LEUTX: variants seen among roughly 807,000 people sequenced by gnomAD.
LEUTX encodes paired-like homeodomain transcription factor LEUTX.
LEUTX carries 5 observed loss-of-function variants against 4.5 expected under a neutral mutation model. The observed-to-expected ratio is 1.11, with a 90% CI of 0.58 to 2.34. The LOEUF is 2.34. LEUTX is among the 30% of genes most tolerant of loss of function. The pLI, the probability that LEUTX is intolerant of heterozygous loss-of-function variation, is 0.01. For missense variants in LEUTX, 233 were observed against 239.4 expected (o/e 0.97, Z 0.18); for synonymous variants, 89 against 85.1 (o/e 1.05, Z -0.25).
At chr19:39,776,797 C>T (rs921597375), upstream of LEUTX, 5 of 400,038 alleles carry the variant, frequency 1.2e-5, no homozygotes, top group Admixed American at 2.8e-5. Flanking sequence ...GGGAGGATCC[C>T]TTGAGCCTGG....
chr19:39,782,148 A>C (rs1217037672), intron 1 of LEUTX, among the ~76,000 whole-genome samples: 3 of 152,168 alleles, frequency 2.0e-5, no homozygotes, highest in Non-Finnish European at 1.5e-5. Context: ...TAGGGCCTCA[A>C]ATACTCTTAT....
intron 1 of LEUTX, among the ~76,000 whole-genome samples, chr19:39,779,840 C>A (rs1156590973): frequency 6.6e-6 from 1 of 152,056 alleles, no homozygotes; most frequent in East Asian, 1.9e-4. Flanking sequence ...ATGGCAAAAC[C>A]CTGTCACTAC....
At chr19:39,783,274 A>G (rs933081119) in intron 1 of LEUTX, among the ~76,000 whole-genome samples, 1 of 146,720 alleles carries the variant, frequency 6.8e-6, no homozygotes, top group Non-Finnish European at 1.5e-5. Context: ...TATATATATA[A>G]ATTATAATAT....
intron 2 of LEUTX, 48 bp downstream of exon 2, chr19:39,784,726 C>T (rs1299574319): frequency 7.4e-7 from 1 of 1,348,692 alleles, no homozygotes. Flanking sequence ...CCCAGAGCTT[C>T]ACACACACTT....
chr19:39,781,853 T>G (rs927766711), intron 1 of LEUTX, among the ~76,000 whole-genome samples: 4 of 152,186 alleles, frequency 2.6e-5, no homozygotes, highest in African/African-American at 9.7e-5. Context: ...AAGCCTGTAA[T>G]TAACAGACTT....
chr19:39,785,655 T>C (rs1247078101), intron 2 of LEUTX, 43 bp from the exon 3 acceptor site: 2 of 1,466,312 alleles, frequency 1.4e-6, no homozygotes, highest in Admixed American at 4.3e-5. Flanking sequence ...TGCCCCTTTA[T>C]ACTCAACATC....
At chr19:39,781,618 G>A (rs1967888828) in intron 1 of LEUTX, among the ~76,000 whole-genome samples, 2 of 152,002 alleles carry the variant, frequency 1.3e-5, no homozygotes, top group South Asian at 4.2e-4. Context: ...AAGAGTCTGG[G>A]ACCTTCCCCT....
At chr19:39,783,538 C>A (rs538467885) in intron 1 of LEUTX, among the ~76,000 whole-genome samples, 110 of 151,804 alleles carry the variant, frequency 7.2e-4, no homozygotes, top group African/African-American at 8.7e-4. Context: ...ATTGCTGGAT[C>A]GAATGGTAGT....
At position 39,786,266 on chromosome 19, in the gene LEUTX, C is replaced by A. The variant is rs1025090522; in HGVS notation, c.*131C>A. The A allele has an allele frequency of 8.6e-6, 6 of 697,936 alleles. No homozygotes were observed. The highest frequency in any genetic ancestry group is 3.6e-5 in the African/African-American group (2 of 55,328). The allele number at this position is 697,936 out of a possible 1,614,324, so 43.2% of individuals were successfully genotyped here. On this transcript the variant is annotated 3_prime_UTR_variant, in exon 3 of 3. Transcript: ENST00000638280. ...AATTTATCTTTTTCTGTAGAAAAAA[C>A]AATAAAGGAACTCCCCTACCTTTCA...
chr19:39,784,968 G>C (rs1967943130), intron 2 of LEUTX, among the ~76,000 whole-genome samples: 1 of 152,142 alleles, frequency 6.6e-6, no homozygotes, highest in Non-Finnish European at 1.5e-5. Context: ...CTGGATCTCA[G>C]ATACTCCCAT....
intron 1 of LEUTX, among the ~76,000 whole-genome samples, chr19:39,783,364 T>TATAC (rs1967916526): frequency 7.4e-6 from 1 of 134,432 alleles, no homozygotes; most frequent in African/African-American, 2.7e-5. Flanking sequence ...TATATATATA[T>TATAC]ACACACACAC....
chr19:39,784,456 C>T (rs1967934227), intron 1 of LEUTX, 71 bp from the exon 2 acceptor site: 1 of 670,106 alleles, frequency 1.5e-6, no homozygotes, highest in Non-Finnish European at 2.7e-6. Context: ...CAGGTGTTCC[C>T]TTGATGTAGT....
chr19:39,782,880 T>C (rs182769609), intron 1 of LEUTX, among the ~76,000 whole-genome samples: 4 of 151,836 alleles, frequency 2.6e-5, no homozygotes, highest in African/African-American at 4.8e-5. Context: ...CATTTTTAAA[T>C]TTTTTTTTGT....
chr19:39,780,882 T>G (rs1967875157), intron 1 of LEUTX, among the ~76,000 whole-genome samples: 1 of 152,108 alleles, frequency 6.6e-6, no homozygotes, highest in Non-Finnish European at 1.5e-5. Context: ...TTTTATATTT[T>G]TAGTAGAGAT....
At chr19:39,777,997 A>T (rs908204312), upstream of LEUTX, among the ~76,000 whole-genome samples, 1 of 152,112 alleles carries the variant, frequency 6.6e-6, no homozygotes, top group Non-Finnish European at 1.5e-5. Flanking sequence ...CCAGAGTCCC[A>T]TCTCTGCTTC....
upstream of LEUTX, chr19:39,776,705 A>G (rs1270119131): frequency 2.2e-6 from 1 of 455,268 alleles, no homozygotes; most frequent in Non-Finnish European, 4.4e-6. Flanking sequence ...TCATTTCTCA[A>G]GTAGCTTGTG....
rs1254633068 is a variant in LEUTX at position 39,785,981 on chromosome 19, T to A, written c.443T>A (p.Leu148Gln). Residue 148 changes from leucine to glutamine, a missense_variant, in exon 3 of 3, where the codon CTG (leucine) becomes CAG (glutamine). Leu to Gln is a moderately radical substitution (Grantham distance 113, BLOSUM62 -2). Coordinates refer to ENST00000638280, the MANE Select transcript of LEUTX (RefSeq NM_001382345.1). ...SQSYDIEQIC[L>Q]GASNPPWAST... Reference sequence around the variant, plus strand: ...TCATATGACATTGAACAGATATGTCTGGGGGCTTCAAATCCTCCTTGGGCC... The same window carrying A: ...TCATATGACATTGAACAGATATGTCAGGGGGCTTCAAATCCTCCTTGGGCC... The A allele has an allele frequency of 2.6e-6, 4 of 1,551,778 alleles. No individual in the cohort carries two copies. The East Asian group carries it at 9.8e-5, about 38-fold the overall frequency.
At chr19:39,783,710 T>G (rs1653072579) in intron 1 of LEUTX, among the ~76,000 whole-genome samples, 1 of 150,630 alleles carries the variant, frequency 6.6e-6, no homozygotes, top group African/African-American at 2.4e-5. Flanking sequence ...TGGTTTCGAT[T>G]TGCATTTCCC....
Position 39,785,760 on chromosome 19 carries a change from G to A in LEUTX, c.222G>A (p.Arg74=). ...AGCAGCGGCAGCAAATGCAGACACG[G>A]CCATCACTAGGGCCAGCAAACCAGA... ...KRQQRQQMQT[R]PSLGPANQTT... Residue 74 remains arginine (R), a synonymous_variant, in exon 3 of 3, where the codon CGG becomes CGA. Transcript: ENST00000638280. The A allele has an allele frequency of 4.5e-6, 7 of 1,551,780 alleles. No individual in the cohort carries two copies. The highest frequency in any genetic ancestry group is 3.3e-4 in the Middle Eastern group (2 of 5,992).
Sources: allele counts gnomAD v4.1 joint callset (sites outside exome capture counted in the v4.1 genomes callset), GRCh38; gene constraint gnomAD v4.1.1; transcripts MANE v1.5; gene names NCBI Gene and HGNC (gene_info 2026-07-23, HGNC 2026-07-21).